The following CSMD1 variants were observed in gnomAD, a reference collection of about 807,000 sequenced individuals.
The protein encoded by CSMD1 is CUB and sushi domain-containing protein 1.
In CSMD1, 213 loss-of-function variants were observed where a neutral mutation model predicts 417.5. The ratio of observed to expected loss-of-function variants is 0.51; its 90% CI spans 0.46 to 0.57. The LOEUF is 0.57. Ranked by LOEUF, CSMD1 falls within the 20% of genes least tolerant of loss-of-function variation. The pLI, the probability that CSMD1 is intolerant of heterozygous loss-of-function variation, is 0.00. For synonymous variants in CSMD1, 2,862 were observed against 1,736.8 expected (o/e 1.65, Z -16.11); for missense variants, 6,923 against 4,529.7 (o/e 1.53, Z -15.17).
intron 11 of CSMD1, among the ~76,000 whole-genome samples, chr8:3,476,718 G>A (rs969296600): frequency 3.3e-5 from 5 of 151,918 alleles, no homozygotes; most frequent in African/African-American, 7.3e-5. Flanking sequence ...AGGAGTTCGA[G>A]ACCAGCCTGG....
intron 5 of CSMD1, among the ~76,000 whole-genome samples, chr8:3,963,909 G>C (rs529985335): frequency 3.3e-5 from 5 of 152,176 alleles, no homozygotes; most frequent in Non-Finnish European, 5.9e-5. Flanking sequence ...CTAACTCATT[G>C]TATCCCAAAT....
chr8:4,306,169 A>G (rs1798233249), intron 3 of CSMD1, among the ~76,000 whole-genome samples: 1 of 152,180 alleles, frequency 6.6e-6, no homozygotes, highest in South Asian at 2.1e-4. Flanking sequence ...CTGGTTTAAA[A>G]CACGCTGAAG....
At chr8:4,905,863 T>A (rs1310656456) in intron 1 of CSMD1, among the ~76,000 whole-genome samples, 1 of 140,496 alleles carries the variant, frequency 7.1e-6, no homozygotes, top group Non-Finnish European at 1.5e-5. Flanking sequence ...AAAAGAAATC[T>A]TACTATCCTT....
intron 5 of CSMD1, among the ~76,000 whole-genome samples, chr8:3,797,190 A>G (rs907867692): frequency 2.0e-5 from 3 of 151,958 alleles, no homozygotes; most frequent in Non-Finnish European, 4.4e-5. Flanking sequence ...TTGAAATGTC[A>G]AAGAACTTCA....
At chr8:3,253,532 A>G (rs1301696378) in intron 26 of CSMD1, among the ~76,000 whole-genome samples, 4 of 152,114 alleles carry the variant, frequency 2.6e-5, no homozygotes, top group African/African-American at 7.2e-5. Flanking sequence ...AGTTCTGTAG[A>G]TGTCTATTAG....
chr8:3,456,511 C>T (rs564911627), intron 12 of CSMD1, among the ~76,000 whole-genome samples: 1 of 152,146 alleles, frequency 6.6e-6, no homozygotes, highest in East Asian at 1.9e-4. Flanking sequence ...AATGATGTCA[C>T]CATGTGCTTT....
chr8:4,462,049 A>T (rs940646369), intron 2 of CSMD1, among the ~76,000 whole-genome samples: 29 of 151,428 alleles, frequency 1.9e-4, no homozygotes, highest in African/African-American at 6.8e-4. Flanking sequence ...TGCTAATCTT[A>T]TTTTTTATAG....
At chr8:3,874,766 G>A (rs36047345) in intron 5 of CSMD1, among the ~76,000 whole-genome samples, 11,058 of 152,142 alleles carry the variant, frequency 0.073, 477 homozygotes, top group South Asian at 0.15. Context: ...TCTGTGACGG[G>A]GAAGGACAGG....
At chr8:4,462,901 T>C (rs965685400) in intron 2 of CSMD1, among the ~76,000 whole-genome samples, 2 of 152,168 alleles carry the variant, frequency 1.3e-5, no homozygotes, top group African/African-American at 4.8e-5. Context: ...TAACCTGATG[T>C]TAAGCAAAGT....
chr8:3,074,346 C>T (rs1236465936), intron 49 of CSMD1, among the ~76,000 whole-genome samples: 1 of 152,194 alleles, frequency 6.6e-6, no homozygotes, highest in African/African-American at 2.4e-5. Context: ...TGAAGTGTGT[C>T]TGTGCCAACA....
chr8:3,088,053 T>A (rs546693553), intron 48 of CSMD1, among the ~76,000 whole-genome samples: 1 of 152,244 alleles, frequency 6.6e-6, no homozygotes, highest in African/African-American at 2.4e-5. Flanking sequence ...GGGATTTGAA[T>A]GAAATCTTTG....
chr8:4,504,813 C>G (rs911522460), intron 2 of CSMD1, among the ~76,000 whole-genome samples: 12 of 152,178 alleles, frequency 7.9e-5, no homozygotes, highest in African/African-American at 2.9e-4. Flanking sequence ...GACATGAACT[C>G]ATTATTTTTT....
chr8:4,338,799 T>C (rs928503762), intron 3 of CSMD1, among the ~76,000 whole-genome samples: 5 of 152,128 alleles, frequency 3.3e-5, no homozygotes, highest in Non-Finnish European at 7.4e-5. Context: ...ATTAGTTTAA[T>C]GTTGCAATTA....
intron 1 of CSMD1, among the ~76,000 whole-genome samples, chr8:4,690,786 T>G (rs1184219595): frequency 1.3e-5 from 2 of 152,196 alleles, no homozygotes; most frequent in African/African-American, 4.8e-5. Flanking sequence ...TGGAGTTCAC[T>G]GGTGCGATCT....
At chr8:4,695,329 C>T (rs1219820093) in intron 1 of CSMD1, among the ~76,000 whole-genome samples, 1 of 152,060 alleles carries the variant, frequency 6.6e-6, no homozygotes, top group East Asian at 1.9e-4. Flanking sequence ...TAACTTCATT[C>T]AGCCTACATC....
At position 3,327,591 on chromosome 8, in the gene CSMD1, A is replaced by G. The variant is rs550753768; in HGVS notation, c.3631+15703T>C. On this transcript the variant is annotated intron_variant, in intron 23 of 69. Transcript: ENST00000635120. ...TGAATGTCACCATGTTGTACTCAAT[A>G]AGAATTCGTAGGATAATTGTTTCAG... Among the ~76,000 whole-genome samples, 6 of 152,292 alleles carry G rather than the reference A, an allele frequency of 3.9e-5. No individual in the cohort carries two copies. The South Asian group carries it at 1.2e-3, about 32-fold the overall frequency.
intron 11 of CSMD1, 106 bp from the exon 12 acceptor site, chr8:3,468,930 T>C (rs892462992): frequency 3.8e-5 from 25 of 655,736 alleles, no homozygotes; most frequent in South Asian, 2.6e-4. Context: ...CCTAGATATA[T>C]AGGTAGCAAG....
intron 6 of CSMD1, 80 bp from the exon 7 acceptor site, chr8:3,708,571 G>T (rs938643227): frequency 8.4e-7 from 1 of 1,187,126 alleles, no homozygotes; most frequent in Non-Finnish European, 1.3e-6. Flanking sequence ...AGCACTTCCA[G>T]TCATAACTGC....
At chr8:4,112,961 A>C (rs1257559830) in intron 3 of CSMD1, among the ~76,000 whole-genome samples, 1 of 152,176 alleles carries the variant, frequency 6.6e-6, no homozygotes, top group Admixed American at 6.5e-5. Flanking sequence ...CATTTTGGTA[A>C]TTCTTTCAAT....
Sources: gnomAD v4.1 joint callset for allele counts (sites outside exome capture counted in the v4.1 genomes callset) on GRCh38, gnomAD v4.1.1 for gene constraint, MANE v1.5 for transcripts, NCBI Gene and HGNC (gene_info 2026-07-23, HGNC 2026-07-21) for gene names.